Variants in MGAT5 observed in about 807,000 individuals in gnomAD.
MGAT5 encodes the protein alpha-1,6-mannosylglycoprotein 6-beta-N-acetylglucosaminyltransferase, also known as alpha-1,6-mannosylglycoprotein 6-beta-N-acetylglucosaminyltransferase A.
A neutral mutation model predicts 94.3 loss-of-function variants in MGAT5; 30 were observed. The ratio of observed to expected loss-of-function variants is 0.32; its 90% CI spans 0.24 to 0.43. The LOEUF (loss-of-function observed/expected upper bound fraction) is 0.43. Ranked by LOEUF, MGAT5 falls within the 20% of genes least tolerant of loss-of-function variation. The pLI, the probability that MGAT5 is intolerant of heterozygous loss-of-function variation, is 1.00. For synonymous variants in MGAT5, 310 were observed against 322.9 expected, an observed-to-expected ratio of 0.96 and a Z score of 0.43; for missense variants, 691 against 905.5, an observed-to-expected ratio of 0.76 and a Z score of 3.04.
At chr2:134,314,294 C>T (rs1030533665) in intron 2 of MGAT5, among the ~76,000 whole-genome samples, 5 of 152,280 alleles carry the variant, frequency 3.3e-5, no homozygotes, top group African/African-American at 4.8e-5. Flanking sequence ...AGAGAAAATT[C>T]GTGTATAAGA....
In MGAT5 at chr2:134,164,509, T is replaced by C. The variant is rs144291327; in HGVS notation, c.-143+44218T>C. Among the ~76,000 whole-genome samples the C allele has an allele frequency of 9.2e-5, 14 of 152,160 alleles. 1 individual carries two copies. The highest frequency in any genetic ancestry group is 3.4e-4 in the African/African-American group (14 of 41,532). ...GTGGGCCTGTGTGGGTGGTTCTGCT[T>C]GTCTGTGGGGCTTGCTCTTGGGTGC... is the stretch of plus-strand genomic sequence containing the variant. On this transcript the variant is annotated intron_variant, in intron 1 of 16. Coordinates refer to the MGAT5 transcript ENST00000409645.
chr2:134,364,848 G>GTT (rs1476342862), intron 10 of MGAT5, among the ~76,000 whole-genome samples: 3 of 152,228 alleles, frequency 2.0e-5, no homozygotes, highest in Non-Finnish European at 4.4e-5. Context: ...TGAGAATTTA[G>GTT]TTTCTTTTTC....
At chr2:134,197,639 C>G (rs4953906) in intron 1 of MGAT5, among the ~76,000 whole-genome samples, 1 of 151,994 alleles carries the variant, frequency 6.6e-6, no homozygotes, top group Non-Finnish European at 1.5e-5. Flanking sequence ...CCATGTAGGA[C>G]GGAAAATCTT....
intron 1 of MGAT5, among the ~76,000 whole-genome samples, chr2:134,193,041 A>G (rs1679304204): frequency 1.3e-5 from 2 of 152,070 alleles, no homozygotes; most frequent in Admixed American, 6.5e-5. Context: ...ATTTTGGTCT[A>G]TTAGAAAAAA....
chr2:134,323,606 G>A (rs7592509), intron 4 of MGAT5, among the ~76,000 whole-genome samples: 1 of 151,938 alleles, frequency 6.6e-6, no homozygotes, highest in Non-Finnish European at 1.5e-5. Context: ...GAAGGAAAAC[G>A]GATCTTAGGT....
intron 9 of MGAT5, 57 bp from the exon 10 acceptor site, chr2:134,362,218 G>A: frequency 6.3e-7 from 1 of 1,582,056 alleles, no homozygotes. Context: ...ATATGTGATT[G>A]TTATTTCTTC....
chr2:134,392,086 G>T (rs1426839788), intron 10 of MGAT5, among the ~76,000 whole-genome samples: 1 of 152,204 alleles, frequency 6.6e-6, no homozygotes, highest in Admixed American at 6.5e-5. Context: ...TGAGAAATGG[G>T]GAGGAGGACG....
intron 1 of MGAT5, among the ~76,000 whole-genome samples, chr2:134,138,913 T>C (rs1188224868): frequency 6.6e-6 from 1 of 152,114 alleles, no homozygotes; most frequent in African/African-American, 2.4e-5. Context: ...ACTGATAAGG[T>C]ACAGATTGGG....
At chr2:134,383,739 T>G (rs1271327982) in intron 10 of MGAT5, among the ~76,000 whole-genome samples, 1 of 151,964 alleles carries the variant, frequency 6.6e-6, no homozygotes, top group East Asian at 1.9e-4. Flanking sequence ...AGTCTCACTG[T>G]GTCGCCCAGG....
Position 134,180,493 on chromosome 2 carries a change from A to G in MGAT5, c.-143+60202A>G, listed in dbSNP as rs560288483. Among the ~76,000 whole-genome samples, 7 of 152,348 alleles carry G rather than the reference A, an allele frequency of 4.6e-5. No individual in the cohort carries two copies. In the South Asian group the frequency reaches 1.0e-3, roughly 23 times the overall value. ...TAGGATCAGTTCACACAGCAACGCT[A>G]TGAAGCATGTGTTACCTTTCATTTC... On this transcript the variant is annotated intron_variant, in intron 1 of 16. Transcript: ENST00000409645.
At chr2:134,344,393 T>G (rs973658951) in intron 7 of MGAT5, among the ~76,000 whole-genome samples, 1 of 151,938 alleles carries the variant, frequency 6.6e-6, no homozygotes, top group African/African-American at 2.4e-5. Flanking sequence ...GTTAATACTA[T>G]AGAGGCTAGA....
intron 1 of MGAT5, among the ~76,000 whole-genome samples, chr2:134,158,409 C>T (rs115685976): frequency 0.022 from 3,280 of 152,296 alleles, 42 homozygotes; most frequent in Non-Finnish European, 0.034. Flanking sequence ...GGCATGTCAG[C>T]GCTGCCCCAA....
At chr2:134,332,573 C>A (rs374206554) in intron 4 of MGAT5, among the ~76,000 whole-genome samples, 2 of 152,088 alleles carry the variant, frequency 1.3e-5, no homozygotes, top group South Asian at 2.1e-4. Context: ...GCAACAAAAG[C>A]CAAAATTGAC....
chr2:134,330,499 T>G (rs903702849), intron 4 of MGAT5, among the ~76,000 whole-genome samples: 7 of 151,846 alleles, frequency 4.6e-5, no homozygotes, highest in Non-Finnish European at 7.4e-5. Flanking sequence ...CTTCATCCCA[T>G]GTAACATGTT....
At chr2:134,397,292 A>G (rs184418094) in intron 10 of MGAT5, among the ~76,000 whole-genome samples, 67 of 152,326 alleles carry the variant, frequency 4.4e-4, no homozygotes, top group African/African-American at 1.6e-3. Context: ...TAAAGTACCA[A>G]TATTTTGCTG....
At chr2:134,229,211 A>G (rs1002241469) in intron 1 of MGAT5, among the ~76,000 whole-genome samples, 1 of 152,324 alleles carries the variant, frequency 6.6e-6, no homozygotes, top group East Asian at 1.9e-4. Context: ...ATCTAATGCA[A>G]CCTTCTAGGT....
intron 1 of MGAT5, among the ~76,000 whole-genome samples, chr2:134,262,040 T>C (rs931213240): frequency 2.0e-5 from 3 of 152,256 alleles, no homozygotes; most frequent in Admixed American, 1.3e-4. Flanking sequence ...TGGAACACAT[T>C]GTGTTCCTTA....
intron 2 of MGAT5, among the ~76,000 whole-genome samples, chr2:134,273,026 CGCGCGT>C (rs140940733): frequency 0.093 from 14,108 of 151,648 alleles, 752 homozygotes; most frequent in East Asian, 0.23. Context: ...TGTGTGCGCG[CGCGCGT>C]GCGCGTGCAT....
intron 1 of MGAT5, among the ~76,000 whole-genome samples, chr2:134,179,477 A>G (rs910070277): frequency 6.6e-6 from 1 of 152,160 alleles, no homozygotes; most frequent in Admixed American, 6.5e-5. Context: ...TATCTTCTCT[A>G]GGAGCAATGT....
Sources: gnomAD v4.1 joint callset for allele counts (sites outside exome capture counted in the v4.1 genomes callset) on GRCh38, gnomAD v4.1.1 for gene constraint, MANE v1.5 for transcripts, NCBI Gene and HGNC (gene_info 2026-07-23, HGNC 2026-07-21) for gene names.